Variants in FBXO3 observed in about 807,000 individuals in gnomAD.
FBXO3 encodes F-box protein 3, also known as F-box only protein 3.
FBXO3 carries 17 observed loss-of-function variants against 64.8 expected under a neutral mutation model. The ratio of observed to expected loss-of-function variants is 0.26; its 90% CI spans 0.18 to 0.39. FBXO3 has a LOEUF of 0.39. Among genes scored for constraint, FBXO3 ranks in the 10% least tolerant of loss-of-function variants. FBXO3 has a pLI of 1.00. For missense variants in FBXO3, 420 were observed against 589.9 expected, an observed-to-expected ratio of 0.71 and a Z score of 2.98; for synonymous variants, 182 against 201.6, an observed-to-expected ratio of 0.90 and a Z score of 0.82.
chr11:33,770,586 G>A, intron 2 of FBXO3, among the ~76,000 whole-genome samples, 155 bp downstream of exon 2: 1 of 152,240 alleles, frequency 6.6e-6, no homozygotes, highest in East Asian at 1.9e-4. Context: ...GCTAAGGACA[G>A]AACCTTGGCA....
At chr11:33,757,088 T>G (rs569842694) in intron 4 of FBXO3, 2 of 518,620 alleles carry the variant, frequency 3.9e-6, no homozygotes, top group Non-Finnish European at 7.7e-6. Flanking sequence ...TGGGATTCCC[T>G]GTACTCATTC....
chr11:33,774,113 A>C, intron 1 of FBXO3: 9 of 341,816 alleles, frequency 2.6e-5, no homozygotes, highest in East Asian at 1.8e-4. Context: ...GAGGGCCACT[A>C]CCTCCTTCTC....
chr11:33,768,691 G>A, intron 3 of FBXO3, 160 bp downstream of exon 3: 2 of 773,824 alleles, frequency 2.6e-6, no homozygotes, highest in Non-Finnish European at 2.2e-6. Context: ...GTAAGCACTA[G>A]AGTGAAGGTC....
At chr11:33,751,632 A>C (rs1280992695) in intron 6 of FBXO3, 25 bp from the exon 7 acceptor site, 2 of 1,383,168 alleles carry the variant, frequency 1.4e-6, no homozygotes, top group Non-Finnish European at 2.0e-6. Context: ...AGGGAGAAAA[A>C]AAGAAAAGAA....
intron 7 of FBXO3, 120 bp from the exon 8 acceptor site, chr11:33,750,781 A>G: frequency 1.0e-5 from 9 of 903,802 alleles, no homozygotes; most frequent in Non-Finnish European, 1.5e-5. Flanking sequence ...AGAAAAGTTC[A>G]ATAATATTTG....
chr11:33,752,558 G>A (rs772230738), intron 6 of FBXO3, among the ~76,000 whole-genome samples: 3 of 152,098 alleles, frequency 2.0e-5, no homozygotes, highest in African/African-American at 4.8e-5. Flanking sequence ...AGGGTACAAG[G>A]CTTTAAACTT....
intron 7 of FBXO3, 53 bp from the exon 8 acceptor site, chr11:33,750,714 T>C (rs1590566575): frequency 6.5e-7 from 1 of 1,538,796 alleles, no homozygotes; most frequent in Middle Eastern, 1.7e-4. Flanking sequence ...ATTTAAAAGA[T>C]ACGATGCAAA....
intron 10 of FBXO3, chr11:33,746,834 T>C: frequency 2.1e-6 from 3 of 1,416,680 alleles, no homozygotes; most frequent in South Asian, 1.6e-5. Context: ...GTTTTCCCAG[T>C]CTTAAAGCTG....
Position 33,741,731 on chromosome 11 carries a change from A to G in FBXO3, c.*177T>C. 3 of 519,776 alleles carry G rather than the reference A, an allele frequency of 5.8e-6. No individual in the cohort carries two copies. In the East Asian group the frequency reaches 1.1e-4, roughly 18 times the overall value. 32.2% of individuals were successfully genotyped at this position (519,776 alleles called of 1,614,324 possible). On this transcript the variant is annotated 3_prime_UTR_variant, in exon 11 of 11. Transcript: ENST00000265651. Reference sequence around the variant, plus strand: ...ATTTCTTCCTCTACCTCAAAAACACAAAGCAAACCCAAACAATCCAATTCC... The same window carrying G: ...ATTTCTTCCTCTACCTCAAAAACACGAAGCAAACCCAAACAATCCAATTCC...
rs1232301564 is a variant in FBXO3 at position 33,758,522 on chromosome 11, G to A, written c.438C>T (p.Tyr146=). 1.9e-6 allele frequency: 3 copies of A among 1,607,492 alleles called. No individual in the cohort carries two copies. Among genetic ancestry groups the A allele is most frequent in the Admixed American group, 1.7e-5 (1 of 59,656 alleles). The part of the protein sequence containing the change: ...CKLPDDYRCS[Y]RIHNGQKLVV... The stretch of plus-strand genomic sequence containing the variant: ...CTAACTTCTGTCCATTGTGAATTCG[G>A]TATGAACATCGATAATCGTCAGGAA... Residue 146 remains tyrosine (Y), a synonymous_variant, in exon 4 of 11, where the codon TAC becomes TAT. Transcript: ENST00000265651.
chr11:33,762,310 TAC>T (rs1855262686), intron 3 of FBXO3, among the ~76,000 whole-genome samples: 1 of 152,180 alleles, frequency 6.6e-6, no homozygotes, highest in Non-Finnish European at 1.5e-5. Flanking sequence ...TAATTATATA[TAC>T]AGTATTGAAC....
At chr11:33,760,553 A>C (rs1855218982) in intron 3 of FBXO3, among the ~76,000 whole-genome samples, 1 of 152,032 alleles carries the variant, frequency 6.6e-6, no homozygotes, top group African/African-American at 2.4e-5. Context: ...ACTGAGCTGG[A>C]AGGATTGTTT....
chr11:33,753,429 T>A (rs1483248555), intron 6 of FBXO3: 1 of 152,206 alleles, frequency 6.6e-6, no homozygotes, highest in African/African-American at 2.4e-5. Flanking sequence ...CTTCCATTTA[T>A]AAACTGAGTA....
chr11:33,755,723 C>T, intron 5 of FBXO3, 48 bp downstream of exon 5: 1 of 1,360,738 alleles, frequency 7.3e-7, no homozygotes, highest in Non-Finnish European at 1.1e-6. Context: ...ATTTATACAA[C>T]CATCAGAACA....
intron 2 of FBXO3, among the ~76,000 whole-genome samples, chr11:33,769,289 A>G (rs2133624183): frequency 6.6e-6 from 1 of 152,234 alleles, no homozygotes; most frequent in East Asian, 1.9e-4. Context: ...ATGAATAGTA[A>G]TAACGTATAA....
At chr11:33,769,876 G>A (rs1164713547) in intron 2 of FBXO3, among the ~76,000 whole-genome samples, 2 of 126,952 alleles carry the variant, frequency 1.6e-5, no homozygotes, top group African/African-American at 5.9e-5. Context: ...TTTTTTTTGC[G>A]GGGGTAGAAG....
At chr11:33,760,320 T>C (rs1247395153) in intron 3 of FBXO3, among the ~76,000 whole-genome samples, 1 of 152,086 alleles carries the variant, frequency 6.6e-6, no homozygotes, top group Non-Finnish European at 1.5e-5. Flanking sequence ...AGAGAAACAA[T>C]AAGACTGACA....
At chr11:33,754,312 C>T (rs1855036176) in intron 6 of FBXO3, 143 bp downstream of exon 6, 2 of 639,350 alleles carry the variant, frequency 3.1e-6, no homozygotes, top group Non-Finnish European at 5.3e-6. Flanking sequence ...AGATGCAGTA[C>T]TTTATAAACC....
At position 33,741,642 on chromosome 11, in the gene FBXO3, T is replaced by G. The variant is rs78718976; in HGVS notation, c.*266A>C. On this transcript the variant is annotated 3_prime_UTR_variant, in exon 11 of 11. Transcript: ENST00000265651. ...TATAAAATATTTTAAAACAAAGGTA[T>G]GTCCATTCCTTAGCTAGAGAACTAT... 7.2e-4 allele frequency: 201 copies of G among 280,784 alleles called. 2 individuals are homozygous for G. In the East Asian group the frequency reaches 0.012, roughly 17 times the overall value. The allele number at this position is 280,784 out of a possible 1,614,324, so 17.4% of individuals were successfully genotyped here.
Sources: gnomAD v4.1 joint callset for allele counts (sites outside exome capture counted in the v4.1 genomes callset) on GRCh38, gnomAD v4.1.1 for gene constraint, MANE v1.5 for transcripts, NCBI Gene and HGNC (gene_info 2026-07-23, HGNC 2026-07-21) for gene names.